PARP11: variants seen among roughly 807,000 people sequenced by gnomAD.
The protein encoded by PARP11 is poly(ADP-ribose) polymerase family member 11.
PARP11 carries 31 observed loss-of-function variants against 42.9 expected under a neutral mutation model. The ratio of observed to expected loss-of-function variants is 0.72; its 90% CI spans 0.54 to 0.98. The LOEUF (loss-of-function observed/expected upper bound fraction) is 0.98, where lower values mean the gene tolerates loss of function less well. PARP11 is among the 50% of genes least tolerant of loss of function. PARP11 has a pLI of 0.00. For missense variants in PARP11, 365 were observed against 413.1 expected, an observed-to-expected ratio of 0.88 and a Z score of 1.01; for synonymous variants, 137 against 127.3, an observed-to-expected ratio of 1.08 and a Z score of -0.51.
intron 4 of PARP11, among the ~76,000 whole-genome samples, chr12:3,823,915 C>CAA (rs58303768): frequency 3.2e-4 from 37 of 114,106 alleles, no homozygotes; most frequent in African/African-American, 1.2e-3. Flanking sequence ...GACTCTGTCT[C>CAA]AAAAAAAAAA....
At chr12:3,820,457 T>C (rs1437743383) in intron 6 of PARP11, among the ~76,000 whole-genome samples, 1 of 152,218 alleles carries the variant, frequency 6.6e-6, no homozygotes, top group African/African-American at 2.4e-5. Flanking sequence ...TATGTCATTA[T>C]GTAATTTATG....
At chr12:3,845,317 T>C (rs1947976132) in intron 1 of PARP11, among the ~76,000 whole-genome samples, 1 of 152,210 alleles carries the variant, frequency 6.6e-6, no homozygotes, top group African/African-American at 2.4e-5. Context: ...TGCCTTGTCC[T>C]GGCAAGAGTA....
intron 1 of PARP11, chr12:3,832,016 T>C (rs911193717): frequency 9.4e-6 from 3 of 319,024 alleles, no homozygotes; most frequent in African/African-American, 2.3e-5. Context: ...GCCTTACGAG[T>C]TCTATCTTTT....
chr12:3,839,680 C>T (rs1414980266), intron 1 of PARP11: 25 of 975,868 alleles, frequency 2.6e-5, no homozygotes, highest in Non-Finnish European at 3.8e-5. Context: ...TAATGTTTCT[C>T]CTTCACAAGT....
At chr12:3,864,706 A>C (rs570752774) in intron 1 of PARP11, among the ~76,000 whole-genome samples, 22 of 152,280 alleles carry the variant, frequency 1.4e-4, no homozygotes, top group Admixed American at 4.6e-4. Flanking sequence ...GTTGTTCATA[A>C]CATTCCTTTA....
intron 1 of PARP11, chr12:3,871,826 G>C (rs574776545): frequency 3.0e-4 from 46 of 152,242 alleles, no homozygotes; most frequent in African/African-American, 1.1e-3. Flanking sequence ...TGAATACTTT[G>C]AACTAAAAGA....
At chr12:3,822,253 G>A in intron 4 of PARP11, 96 bp from the exon 5 acceptor site, 1 of 924,196 alleles carries the variant, frequency 1.1e-6, no homozygotes, top group Non-Finnish European at 1.7e-6. Context: ...TCATTTTCAG[G>A]GTATTGTGAC....
At chr12:3,824,758 A>G (rs987768037) in intron 4 of PARP11, 2 of 212,838 alleles carry the variant, frequency 9.4e-6, no homozygotes, top group South Asian at 3.3e-4. Flanking sequence ...TACAATTACA[A>G]TAACATCTTC....
chr12:3,829,878 G>A lies in PARP11; in HGVS notation c.147+12C>T. 11 of 1,613,528 alleles carry A rather than the reference G, an allele frequency of 6.8e-6. No homozygotes were observed. The highest frequency in any genetic ancestry group is 9.3e-6 in the Non-Finnish European group (11 of 1,179,648). On this transcript the variant is annotated intron_variant, in intron 2 of 7. Transcript: ENST00000228820. Reference sequence around the variant, plus strand: ...CGAAAACACTTCTGCTAAATTAAAGGAAAGGAGGTACCTGAAACATGTGCC... The same window carrying A: ...CGAAAACACTTCTGCTAAATTAAAGAAAAGGAGGTACCTGAAACATGTGCC...
chr12:3,821,998 A>C lies in PARP11; in HGVS notation c.423T>G (p.Ile141Met), dbSNP rs1226022041. The change falls in exon 6 of 8, where the codon ATT becomes ATG. Residue 141 changes from isoleucine (I) to methionine (M), a missense_variant. Transcript: ENST00000228820. ...ATTCATGTGTTTGATTGTGCAGAGG[A>C]ATAAGCTGGAAAAATAAATTTGCAT... is the stretch of plus-strand genomic sequence containing the variant. ...NVNTQVPYQL[I>M]PLHNQTHEYN... 6.2e-7 allele frequency: 1 copy of C among 1,607,076 alleles called. No homozygotes were observed. Among genetic ancestry groups the C allele is most frequent in the Admixed American group, 1.7e-5 (1 of 57,982 alleles).
rs759839723 is a variant in PARP11 at position 3,812,073 on chromosome 12, C to T, written c.*50G>A. 2.9e-6 allele frequency: 4 copies of T among 1,387,922 alleles called. No individual in the cohort carries two copies. Among genetic ancestry groups the T allele is most frequent in the African/African-American group, 2.9e-5 (2 of 68,740 alleles). 86.0% of individuals were successfully genotyped at this position (1,387,922 alleles called of 1,614,324 possible). On this transcript the variant is annotated 3_prime_UTR_variant, in exon 8 of 8. Transcript: ENST00000228820. ...GCTAGATGACTGAAGAGCAAACCTT[C>T]CTGCAAAAAAGAATAAAGCTTCCTT...
At chr12:3,839,578 C>T (rs1402120655) in intron 1 of PARP11, 17 of 1,388,648 alleles carry the variant, frequency 1.2e-5, no homozygotes, top group Non-Finnish European at 1.7e-5. Context: ...ATATTTAAAG[C>T]GCTTGGAAAA....
At position 3,810,704 on chromosome 12, in the gene PARP11, G is replaced by A. The variant is rs1253735751; in HGVS notation, c.*1419C>T. 7.5e-6 allele frequency: 1 copy of A among 133,032 alleles called. No homozygotes were observed. The highest frequency in any genetic ancestry group is 7.7e-5 in the Admixed American group (1 of 12,974). 8.2% of individuals were successfully genotyped at this position (133,032 alleles called of 1,614,324 possible). A position where few individuals can be genotyped will look rare whatever the true frequency, so the allele number is the denominator to read the frequency against. ...GAAGGAAAGAAAGAAGGAAGGAAGA[G>A]AGAGAGAAGAGAAGAGAAAGAGAAA... On this transcript the variant is annotated 3_prime_UTR_variant, in exon 8 of 8. Transcript: ENST00000228820.
At position 3,829,046 on chromosome 12, in the gene PARP11, G is replaced by C. The variant is rs760832492; in HGVS notation, c.148-16C>G. 3 of 1,613,330 alleles carry C rather than the reference G, an allele frequency of 1.9e-6. No homozygotes were observed. Among genetic ancestry groups the C allele is most frequent in the East Asian group, 4.5e-5 (2 of 44,836 alleles). On this transcript the variant is annotated splice_polypyrimidine_tract_variant and intron_variant, in intron 2 of 7. Coordinates refer to ENST00000228820, the MANE Select transcript of PARP11 (RefSeq NM_020367.6). ...TGGTATCCGGCTTTAAGACAAACCA[G>C]AAAGTTTCATTTACCAGCTGTTCAC...
intron 6 of PARP11, among the ~76,000 whole-genome samples, chr12:3,819,213 C>T (rs927450936): frequency 1.3e-5 from 2 of 152,170 alleles, no homozygotes; most frequent in East Asian, 1.9e-4. Flanking sequence ...ATAAGTGAGG[C>T]GCCAAGCCCT....
intron 1 of PARP11, among the ~76,000 whole-genome samples, chr12:3,848,381 G>A (rs1473116777): frequency 1.3e-5 from 2 of 152,084 alleles, no homozygotes; most frequent in Admixed American, 6.5e-5. Context: ...TAAGGCTAGA[G>A]GCCTCACATT....
chr12:3,829,829 T>A (rs1178629751), intron 2 of PARP11, 61 bp downstream of exon 2: 12 of 1,547,744 alleles, frequency 7.8e-6, no homozygotes, highest in Middle Eastern at 3.4e-4. Context: ...TTTACATACA[T>A]CAGCAAGGTG....
intron 1 of PARP11, among the ~76,000 whole-genome samples, chr12:3,846,246 A>G (rs1947991562): frequency 1.3e-5 from 2 of 152,058 alleles, no homozygotes; most frequent in Non-Finnish European, 2.9e-5. Context: ...GTGATGCTGC[A>G]TTATATATAA....
intron 1 of PARP11, among the ~76,000 whole-genome samples, chr12:3,842,952 A>C (rs1312496131): frequency 2.0e-5 from 3 of 152,232 alleles, no homozygotes; most frequent in African/African-American, 7.2e-5. Flanking sequence ...ACGTTGCACC[A>C]AATAGAAATG....
Sources: gnomAD v4.1 joint callset for allele counts (sites outside exome capture counted in the v4.1 genomes callset) on GRCh38, gnomAD v4.1.1 for gene constraint, MANE v1.5 for transcripts, NCBI Gene and HGNC (gene_info 2026-07-23, HGNC 2026-07-21) for gene names.